EPHA6: variants seen among roughly 807,000 people sequenced by gnomAD.
EPHA6 encodes the protein ephrin type-A receptor 6.
EPHA6 carries 50 observed loss-of-function variants against 112.0 expected under a neutral mutation model. The observed-to-expected ratio is 0.45, with a 90% CI of 0.36 to 0.56. The LOEUF (loss-of-function observed/expected upper bound fraction) is 0.56, where lower values mean the gene tolerates loss of function less well. Ranked by LOEUF, EPHA6 falls within the 20% of genes least tolerant of loss-of-function variation. The pLI is 0.00. For missense variants in EPHA6, 1,280 were observed against 1,417.4 expected (o/e 0.90, Z 1.56); for synonymous variants, 529 against 490.7 (o/e 1.08, Z -1.03).
At chr3:97,171,225 T>A (rs1330470146) in intron 3 of EPHA6, among the ~76,000 whole-genome samples, 1 of 152,132 alleles carries the variant, frequency 6.6e-6, no homozygotes, top group Non-Finnish European at 1.5e-5. Context: ...TTTAAGTGAA[T>A]GAATGAATGA....
chr3:96,965,255 T>C (rs2107764320), intron 2 of EPHA6, among the ~76,000 whole-genome samples: 1 of 152,242 alleles, frequency 6.6e-6, no homozygotes, highest in South Asian at 2.1e-4. Context: ...GACTCAAATA[T>C]AGAAGTAAGG....
intron 14 of EPHA6, among the ~76,000 whole-genome samples, chr3:97,656,658 C>T (rs1205809285): frequency 6.6e-6 from 1 of 151,802 alleles, no homozygotes; most frequent in Non-Finnish European, 1.5e-5. Flanking sequence ...ACTGATCAGG[C>T]TTATATAGGT....
At chr3:97,330,933 C>T (rs1385283369) in intron 5 of EPHA6, among the ~76,000 whole-genome samples, 1 of 152,156 alleles carries the variant, frequency 6.6e-6, no homozygotes, top group Non-Finnish European at 1.5e-5. Flanking sequence ...CCCAAATCAA[C>T]AGAATATACA....
intron 14 of EPHA6, chr3:97,648,614 TG>T (rs2094085094): frequency 8.8e-7 from 1 of 1,135,136 alleles, no homozygotes. Context: ...CATGAGTAAA[TG>T]GGATTCGTCT....
At chr3:97,100,175 C>G (rs2047360850) in intron 3 of EPHA6, among the ~76,000 whole-genome samples, 1 of 151,130 alleles carries the variant, frequency 6.6e-6, no homozygotes, top group African/African-American at 2.4e-5. Flanking sequence ...TTTCATGTCT[C>G]TAATCATAAT....
At chr3:97,711,835 C>G (rs1289709536) in intron 14 of EPHA6, among the ~76,000 whole-genome samples, 1 of 152,164 alleles carries the variant, frequency 6.6e-6, no homozygotes, top group Admixed American at 6.5e-5. Flanking sequence ...ATCTGGTCAT[C>G]CCTCAGGCCA....
At chr3:96,934,338 A>G (rs2040477103) in intron 2 of EPHA6, among the ~76,000 whole-genome samples, 1 of 151,360 alleles carries the variant, frequency 6.6e-6, no homozygotes, top group African/African-American at 2.4e-5. Context: ...TCCATTTTTT[A>G]TTTTATCTTA....
chr3:97,556,933 G>C (rs1240835282), intron 11 of EPHA6, among the ~76,000 whole-genome samples: 1 of 151,950 alleles, frequency 6.6e-6, no homozygotes, highest in African/African-American at 2.4e-5. Context: ...TGCTAAAACT[G>C]TGTTATTTTC....
intron 3 of EPHA6, among the ~76,000 whole-genome samples, chr3:97,209,445 T>G (rs2077805484): frequency 6.6e-6 from 1 of 152,174 alleles, no homozygotes; most frequent in Admixed American, 6.5e-5. Flanking sequence ...GCCTGAGCTT[T>G]CATCTCCCTA....
intron 14 of EPHA6, among the ~76,000 whole-genome samples, chr3:97,661,881 C>T (rs2094171916): frequency 6.6e-6 from 1 of 152,144 alleles, no homozygotes; most frequent in Admixed American, 6.6e-5. Context: ...ATACAAAGTG[C>T]ATGATTGGCA....
chr3:97,089,123 C>A (rs1030098132), intron 3 of EPHA6, among the ~76,000 whole-genome samples: 1 of 151,940 alleles, frequency 6.6e-6, no homozygotes, highest in Non-Finnish European at 1.5e-5. Flanking sequence ...TCACTCAGGA[C>A]GTTTGGAAAC....
intron 6 of EPHA6, among the ~76,000 whole-genome samples, chr3:97,423,323 A>T (rs574410937): frequency 1.3e-5 from 2 of 152,234 alleles, no homozygotes; most frequent in African/African-American, 4.8e-5. Flanking sequence ...TACAAAATCA[A>T]TGTGAAAAAT....
chr3:96,917,947 G>T (rs140459816), intron 2 of EPHA6, among the ~76,000 whole-genome samples: 294 of 152,242 alleles, frequency 1.9e-3, no homozygotes, highest in Non-Finnish European at 3.5e-3. Context: ...GAATTTGAAA[G>T]ATGGACTCTA....
At chr3:97,364,010 A>C (rs2084565456) in intron 5 of EPHA6, among the ~76,000 whole-genome samples, 1 of 152,048 alleles carries the variant, frequency 6.6e-6, no homozygotes, top group African/African-American at 2.4e-5. Context: ...GAGAGGACAA[A>C]ATGGGGAGCT....
intron 6 of EPHA6, chr3:97,447,836 A>G (rs2090401491): frequency 9.9e-7 from 1 of 1,005,398 alleles, no homozygotes; most frequent in South Asian, 4.7e-5. Context: ...CAGGTATGGT[A>G]AGTCTTTCAT....
At chr3:97,205,193 G>A (rs2077684460) in intron 3 of EPHA6, among the ~76,000 whole-genome samples, 1 of 151,914 alleles carries the variant, frequency 6.6e-6, no homozygotes, top group African/African-American at 2.4e-5. Context: ...TTTTTCTTTG[G>A]TTTGATGTAT....
chr3:97,663,899 G>C (rs1290592957), intron 14 of EPHA6, among the ~76,000 whole-genome samples: 2 of 152,142 alleles, frequency 1.3e-5, no homozygotes, highest in African/African-American at 4.8e-5. Flanking sequence ...AGATCCCCGA[G>C]GAATTGCCAC....
chr3:97,153,981 C>T (rs1007204333), intron 3 of EPHA6, among the ~76,000 whole-genome samples: 4 of 151,956 alleles, frequency 2.6e-5, no homozygotes, highest in African/African-American at 9.7e-5. Flanking sequence ...GCCTGCCCAA[C>T]ATGGCGAAAT....
At chr3:97,649,383 C>T (rs546751370) in intron 14 of EPHA6, among the ~76,000 whole-genome samples, 27 of 152,066 alleles carry the variant, frequency 1.8e-4, no homozygotes, top group Non-Finnish European at 4.0e-4. Context: ...GGGATTATTA[C>T]AACTCAGGGT....
Sources: allele counts gnomAD v4.1 joint callset (sites outside exome capture counted in the v4.1 genomes callset), GRCh38; gene constraint gnomAD v4.1.1; transcripts MANE v1.5; gene names NCBI Gene and HGNC (gene_info 2026-07-23, HGNC 2026-07-21).